The following ZNF33B variants were observed in gnomAD, a reference collection of about 807,000 sequenced individuals.
ZNF33B encodes the protein zinc finger protein 11b (KOX 2).
ZNF33B carries 29 observed loss-of-function variants against 45.8 expected under a neutral mutation model. That is an observed-to-expected ratio of 0.63 (90% CI 0.47 to 0.86). The LOEUF (loss-of-function observed/expected upper bound fraction) is 0.86. Among genes scored for constraint, ZNF33B ranks in the 40% least tolerant of loss-of-function variants. The pLI is 0.00. For missense variants in ZNF33B, 831 were observed against 909.9 expected, an observed-to-expected ratio of 0.91 and a Z score of 1.12; for synonymous variants, 305 against 307.8, an observed-to-expected ratio of 0.99 and a Z score of 0.10.
Position 42,589,683 on chromosome 10 carries a change from T to C in ZNF33B, c.*2930A>G, listed in dbSNP as rs1837025790. Reference sequence around the variant, plus strand: ...TCTACAACCCTGCTATAATTGCTTATTAATGTCAGCAGGTTTTTGTTATTT... The same window carrying C: ...TCTACAACCCTGCTATAATTGCTTACTAATGTCAGCAGGTTTTTGTTATTT... On this transcript the variant is annotated 3_prime_UTR_variant, in exon 5 of 5. Coordinates refer to ENST00000359467, the MANE Select transcript of ZNF33B (RefSeq NM_006955.3). The C allele has an allele frequency of 6.6e-6, 1 of 152,264 alleles. No homozygotes were observed. Among genetic ancestry groups the C allele is most frequent in the African/African-American group, 2.4e-5 (1 of 41,464 alleles). The allele number at this position is 152,264 out of a possible 1,614,324, so 9.4% of individuals were successfully genotyped here.
downstream of ZNF33B, among the ~76,000 whole-genome samples, chr10:42,584,525 CTTT>C (rs200015044): frequency 6.9e-6 from 1 of 143,886 alleles, no homozygotes; most frequent in African/African-American, 2.5e-5. Flanking sequence ...TTCCTTTGAG[CTTT>C]TTTTTTTTTT....
rs1184977665 is a variant in ZNF33B, at chr10:42,593,129, T to G, written c.1821A>C (p.Lys607Asn). Residue 607 changes from lysine (K) to asparagine (N), a missense_variant, in exon 5 of 5, where the codon AAA becomes AAC. Coordinates refer to ENST00000359467, the MANE Select transcript of ZNF33B (RefSeq NM_006955.3). ...TKHNRTHTGE[K>N]PYECNECGKT... ...TTCCACATTCATTACATTCATAGGG[T>G]TTCTCCCCTGTATGTGTTCTATTAT... The G allele has an allele frequency of 6.2e-7, 1 of 1,613,824 alleles. No homozygotes were observed. The highest frequency in any genetic ancestry group is 1.7e-5 in the Admixed American group (1 of 59,982).
At chr10:42,623,059 G>T (rs1838659505) in intron 4 of ZNF33B, among the ~76,000 whole-genome samples, 1 of 152,156 alleles carries the variant, frequency 6.6e-6, no homozygotes, top group African/African-American at 2.4e-5. Flanking sequence ...CTGAGGTCAG[G>T]AGTTCAAGAC....
chr10:42,603,224 T>TG (rs1236774796), intron 4 of ZNF33B, among the ~76,000 whole-genome samples: 1 of 152,094 alleles, frequency 6.6e-6, no homozygotes, highest in Non-Finnish European at 1.5e-5. Context: ...TCCCGAATAA[T>TG]GGAGCAGGAC....
rs373323305 is a variant in ZNF33B, at chr10:42,592,534, A to C, written c.*79T>G. The stretch of plus-strand genomic sequence containing the variant: ...ATAGTTATTGAACATTCAGGATGTC[A>C]ACAGGCCCTTCTCCACAGTGTGAAG... On this transcript the variant is annotated 3_prime_UTR_variant, in exon 5 of 5. Coordinates refer to ENST00000359467, the MANE Select transcript of ZNF33B (RefSeq NM_006955.3). The C allele has an allele frequency of 4.9e-5, 74 of 1,518,612 alleles. No homozygotes were observed. In the East Asian group the frequency reaches 9.9e-4, roughly 20 times the overall value. 94.1% of individuals were successfully genotyped at this position (1,518,612 alleles called of 1,614,324 possible).
At chr10:42,615,941 G>A (rs556846396) in intron 4 of ZNF33B, among the ~76,000 whole-genome samples, 3 of 151,224 alleles carry the variant, frequency 2.0e-5, no homozygotes, top group African/African-American at 7.3e-5. Flanking sequence ...AACAATTGTC[G>A]GCTGGGTGCG....
chr10:42,593,639 C>T lies in ZNF33B; in HGVS notation c.1311G>A (p.Gly437=), dbSNP rs1165949216. The T allele has an allele frequency of 6.2e-7, 1 of 1,613,926 alleles. No homozygotes were observed. The highest frequency in any genetic ancestry group is 8.5e-7 in the Non-Finnish European group (1 of 1,179,942). Residue 437 remains glycine, a synonymous_variant, in exon 5 of 5, where the codon GGG becomes GGA. Transcript: ENST00000359467. ...ATTCATAACATTCATAGGGTTTCTG[C>T]CCTGTGTGTGTTCTCTGATGTTTAG... ...DLTKHQRTHT[G]QKPYECYECG...
In ZNF33B at chr10:42,594,351, A is replaced by G; in HGVS notation, c.599T>C (p.Leu200Pro). 4.3e-6 allele frequency: 7 copies of G among 1,613,948 alleles called. No individual in the cohort carries two copies. Among genetic ancestry groups the G allele is most frequent in the Non-Finnish European group, 5.9e-6 (7 of 1,179,884 alleles). The change falls in exon 5 of 5, where the codon CTG (leucine) becomes CCG (proline). Residue 200 changes from leucine (L) to proline (P), a missense_variant. Physicochemically the swap from Leu to Pro is moderately conservative, Grantham distance 98 (BLOSUM62 -3). Transcript: ENST00000359467. ...KNEVLKNRNT[L>P]SHRENTLQHE... ...CTGCAAAGTGTTCTCACGATGACTC[A>G]GAGTGTTCCTATTTTTCAAAACTTC...
Position 42,591,346 on chromosome 10 carries a change from T to C in ZNF33B, c.*1267A>G. 1.9e-5 allele frequency: 10 copies of C among 532,320 alleles called. No homozygotes were observed. Among genetic ancestry groups the C allele is most frequent in the Non-Finnish European group, 2.4e-5 (10 of 416,206 alleles). 33.0% of individuals were successfully genotyped at this position (532,320 alleles called of 1,614,324 possible). Reference sequence around the variant, plus strand: ...TCACATATGTACCCCAGGCAGTTCATGGCATGGGATGAGCCACAGGTAGTA... The same window carrying C: ...TCACATATGTACCCCAGGCAGTTCACGGCATGGGATGAGCCACAGGTAGTA... On this transcript the variant is annotated 3_prime_UTR_variant, in exon 5 of 5. Transcript: ENST00000359467.
rs1382488877 is a variant in ZNF33B, at chr10:42,589,729, T to G, written c.*2884A>C. On this transcript the variant is annotated 3_prime_UTR_variant, in exon 5 of 5. Transcript: ENST00000359467. Reference sequence around the variant, plus strand: ...TATTTAGAATTTTCTACAAAGACAATCATGTTATTTGAGAACAAAGACAGT... The same window carrying G: ...TATTTAGAATTTTCTACAAAGACAAGCATGTTATTTGAGAACAAAGACAGT... 6.6e-6 allele frequency: 1 copy of G among 152,230 alleles called. No individual in the cohort carries two copies. The highest frequency in any genetic ancestry group is 2.4e-5 in the African/African-American group (1 of 41,458). The allele number at this position is 152,230 out of a possible 1,614,324, so 9.4% of individuals were successfully genotyped here. A position where few individuals can be genotyped will look rare whatever the true frequency, so the allele number is the denominator to read the frequency against.
rs759352471 is a variant in ZNF33B at position 42,594,113 on chromosome 10, A to G, written c.837T>C (p.Asp279=). The G allele has an allele frequency of 5.6e-6, 9 of 1,613,994 alleles. No individual in the cohort carries two copies. The South Asian group carries it at 7.7e-5, about 14-fold the overall frequency. ...ACTTCACACATAAGAACTTCTCACA[A>G]TCACTAAATTCATAGTGACTGTCCT... ...PSKDSHYEFS[D]CEKFLCVKST... The change falls in exon 5 of 5, where the codon GAT becomes GAC. Residue 279 remains aspartate, a synonymous_variant. Transcript: ENST00000359467.
chr10:42,593,460 T>C lies in ZNF33B; in HGVS notation c.1490A>G (p.Tyr497Cys), dbSNP rs1447162428. The change falls in exon 5 of 5, where the codon TAT becomes TGT. Residue 497 changes from tyrosine to cysteine, a missense_variant. Coordinates refer to ENST00000359467, the MANE Select transcript of ZNF33B (RefSeq NM_006955.3). ...HQRTHIGDKP[Y>C]ECNACGKTFY... ...AGTTTTCCCACATGCATTACATTCA[T>C]AAGGTTTATCTCCTATGTGAGTTCT... The C allele has an allele frequency of 6.2e-7, 1 of 1,614,110 alleles. No homozygotes were observed. The highest frequency in any genetic ancestry group is 1.7e-5 in the Admixed American group (1 of 60,020).
intron 1 of ZNF33B, among the ~76,000 whole-genome samples, chr10:42,577,316 T>C: frequency 6.6e-6 from 1 of 152,082 alleles, no homozygotes. Flanking sequence ...CTCCAGTCTT[T>C]GACAGAGTGT....
At chr10:42,625,741 G>C (rs182829428) in intron 4 of ZNF33B, among the ~76,000 whole-genome samples, 1 of 152,368 alleles carries the variant, frequency 6.6e-6, no homozygotes, top group Admixed American at 6.5e-5. Flanking sequence ...CCAAAGTACT[G>C]GGATTATAGG....
At position 42,591,761 on chromosome 10, in the gene ZNF33B, G is replaced by A. The variant is rs1165904069; in HGVS notation, c.*852C>T. ...GCTTCATAGTCAAGTGGATGCCAGG[G>A]ACAGGGATGCAGAAAGGGTGTGGTT... On this transcript the variant is annotated 3_prime_UTR_variant, in exon 5 of 5. Transcript: ENST00000359467. 5.7e-6 allele frequency: 1 copy of A among 174,990 alleles called. No homozygotes were observed. Among genetic ancestry groups the A allele is most frequent in the Non-Finnish European group, 1.1e-5 (1 of 89,108 alleles). 10.8% of individuals were successfully genotyped at this position (174,990 alleles called of 1,614,324 possible).
chr10:42,610,059 G>A (rs1369133604), intron 4 of ZNF33B, among the ~76,000 whole-genome samples: 1 of 151,958 alleles, frequency 6.6e-6, no homozygotes, highest in East Asian at 1.9e-4. Context: ...GTCAACACAA[G>A]CAAGGGGAAG....
downstream of ZNF33B, among the ~76,000 whole-genome samples, chr10:42,586,366 G>A (rs563307581): frequency 2.0e-5 from 3 of 152,166 alleles, no homozygotes; most frequent in South Asian, 6.2e-4. Context: ...AGCCAGGATG[G>A]TCTCGATCTC....
intron 4 of ZNF33B, among the ~76,000 whole-genome samples, chr10:42,629,527 G>T (rs905952177): frequency 2.2e-4 from 33 of 152,084 alleles, no homozygotes; most frequent in African/African-American, 7.5e-4. Context: ...ATTATTACAC[G>T]TTGTGTGCCT....
intron 4 of ZNF33B, among the ~76,000 whole-genome samples, chr10:42,626,833 C>T (rs1011239383): frequency 6.6e-6 from 1 of 151,990 alleles, no homozygotes; most frequent in Non-Finnish European, 1.5e-5. Flanking sequence ...CTCTCTAGTA[C>T]ACAGAAATTG....
Sources: allele counts gnomAD v4.1 joint callset (sites outside exome capture counted in the v4.1 genomes callset), GRCh38; gene constraint gnomAD v4.1.1; transcripts MANE v1.5; gene names NCBI Gene and HGNC (gene_info 2026-07-23, HGNC 2026-07-21).